Variants in SAMD12 observed in about 807,000 individuals in gnomAD.
The protein encoded by SAMD12 is sterile alpha motif domain-containing protein 12.
Under a neutral mutation model 15.0 loss-of-function variants are expected in SAMD12, and 9 were observed. The ratio of observed to expected loss-of-function variants is 0.60; its 90% CI spans 0.36 to 1.05. The LOEUF (loss-of-function observed/expected upper bound fraction) is 1.05. Ranked by LOEUF, SAMD12 falls within the 50% of genes least tolerant of loss-of-function variation. The pLI is 0.01. For missense variants in SAMD12, 230 were observed against 234.2 expected (o/e 0.98, Z 0.12); for synonymous variants, 86 against 90.1 (o/e 0.96, Z 0.25).
chr8:118,420,750 GA>G (rs903726831), intron 3 of SAMD12, among the ~76,000 whole-genome samples: 15 of 151,188 alleles, frequency 9.9e-5, no homozygotes, highest in African/African-American at 2.2e-4. Flanking sequence ...ATGTAAAAAG[GA>G]AAAAAAAGTA....
At chr8:118,283,977 T>C (rs1478023686) in intron 4 of SAMD12, among the ~76,000 whole-genome samples, 1 of 152,190 alleles carries the variant, frequency 6.6e-6, no homozygotes, top group African/African-American at 2.4e-5. Context: ...TAGAATAAAC[T>C]GTATCACATT....
rs913458962 is a variant in SAMD12, at chr8:118,354,326, C to A, written c.433+25234G>T. ...TAGAGGAATGGTCTAGATTCTAGAA[C>A]CTTCTTCCTATTTTCAGAAAGCCTC... On this transcript the variant is annotated intron_variant, in intron 4 of 4. Transcript: ENST00000409003. Among the ~76,000 whole-genome samples, 13 of 152,260 alleles carry A rather than the reference C, an allele frequency of 8.5e-5. No individual in the cohort carries two copies. In the East Asian group the frequency reaches 2.5e-3, roughly 29 times the overall value.
At chr8:118,423,791 T>A (rs1331556370) in intron 3 of SAMD12, among the ~76,000 whole-genome samples, 1 of 152,188 alleles carries the variant, frequency 6.6e-6, no homozygotes, top group Non-Finnish European at 1.5e-5. Context: ...TGTCAAATGA[T>A]AATAATATTA....
At chr8:118,269,637 AC>A (rs1813297120) in intron 4 of SAMD12, among the ~76,000 whole-genome samples, 1 of 152,122 alleles carries the variant, frequency 6.6e-6, no homozygotes, top group Admixed American at 6.5e-5. Flanking sequence ...ATGCTCTATT[AC>A]AGCTGATCAA....
At chr8:118,526,026 C>T (rs964559127) in intron 2 of SAMD12, among the ~76,000 whole-genome samples, 24 of 152,154 alleles carry the variant, frequency 1.6e-4, no homozygotes, top group African/African-American at 5.8e-4. Flanking sequence ...GTGTCCTTCA[C>T]AAGACTGATT....
At chr8:118,461,655 A>G (rs1239205433) in intron 2 of SAMD12, among the ~76,000 whole-genome samples, 1 of 152,178 alleles carries the variant, frequency 6.6e-6, no homozygotes, top group East Asian at 1.9e-4. Flanking sequence ...TTTTTACTTA[A>G]TAAGTTTTAG....
At chr8:118,490,838 G>C (rs1436748148) in intron 2 of SAMD12, among the ~76,000 whole-genome samples, 1 of 152,070 alleles carries the variant, frequency 6.6e-6, no homozygotes, top group Non-Finnish European at 1.5e-5. Context: ...GAGTTTATCT[G>C]CACGGTTACA....
intron 2 of SAMD12, among the ~76,000 whole-genome samples, chr8:118,502,926 T>TC (rs1563897930): frequency 6.6e-6 from 1 of 151,994 alleles, no homozygotes; most frequent in South Asian, 2.1e-4. Context: ...TAAGGATTTC[T>TC]CCCCCCTTAT....
intron 4 of SAMD12, among the ~76,000 whole-genome samples, chr8:118,241,718 C>T (rs1256543310): frequency 6.6e-6 from 1 of 152,122 alleles, no homozygotes; most frequent in East Asian, 1.9e-4. Flanking sequence ...GGGATACCTG[C>T]TCACCTACTC....
intron 4 of SAMD12, among the ~76,000 whole-genome samples, chr8:118,305,885 G>C (rs529392081): frequency 6.6e-6 from 1 of 152,224 alleles, no homozygotes; most frequent in East Asian, 1.9e-4. Flanking sequence ...AGGAGGCCGA[G>C]GGACAGAAGA....
chr8:118,163,053 C>T, the SAMD12 span, among the ~76,000 whole-genome samples: 1 of 152,116 alleles, frequency 6.6e-6, no homozygotes, highest in African/African-American at 2.4e-5. Context: ...GGCACATAAC[C>T]TCCTGCCATT....
the SAMD12 span, among the ~76,000 whole-genome samples, chr8:118,146,069 G>A: frequency 6.6e-6 from 1 of 152,224 alleles, no homozygotes; most frequent in African/African-American, 2.4e-5. Context: ...TAAGGGTAAT[G>A]ACAAGGTGCC....
At chr8:118,536,457 C>A (rs929190599) in intron 2 of SAMD12, among the ~76,000 whole-genome samples, 9 of 151,446 alleles carry the variant, frequency 5.9e-5, no homozygotes, top group African/African-American at 2.2e-4. Context: ...CACACACACA[C>A]ACACACACAC....
chr8:118,173,407 T>C, the SAMD12 span, among the ~76,000 whole-genome samples: 1 of 152,038 alleles, frequency 6.6e-6, no homozygotes, highest in African/African-American at 2.4e-5. Flanking sequence ...TAGCTTAAAA[T>C]TGGTGCCCCT....
At chr8:118,614,316 T>C (rs889631946) in intron 1 of SAMD12, among the ~76,000 whole-genome samples, 25 of 152,192 alleles carry the variant, frequency 1.6e-4, no homozygotes, top group Admixed American at 1.6e-3. Flanking sequence ...GTCATTACCA[T>C]TAATATTCTC....
chr8:118,335,718 A>G (rs1331034734), intron 4 of SAMD12, among the ~76,000 whole-genome samples: 1 of 152,192 alleles, frequency 6.6e-6, no homozygotes, highest in African/African-American at 2.4e-5. Flanking sequence ...CAAGGAAGTA[A>G]TATGCACTGA....
the SAMD12 span, among the ~76,000 whole-genome samples, chr8:118,155,107 A>G: frequency 3.9e-5 from 6 of 152,066 alleles, no homozygotes; most frequent in African/African-American, 1.5e-4. Flanking sequence ...ATATATATAT[A>G]TGTGTGTGTA....
At chr8:118,494,755 CTT>C (rs986790672) in intron 2 of SAMD12, among the ~76,000 whole-genome samples, 9 of 152,084 alleles carry the variant, frequency 5.9e-5, no homozygotes, top group African/African-American at 1.9e-4. Flanking sequence ...TCTTTTAATT[CTT>C]TGTGTACTTG....
intron 2 of SAMD12, among the ~76,000 whole-genome samples, chr8:118,470,756 TATTAGAATATGTGA>T (rs1265665398): frequency 6.6e-6 from 1 of 152,196 alleles, no homozygotes; most frequent in Non-Finnish European, 1.5e-5. Context: ...TGAATGAACA[TATTAGAATATGTGA>T]ATTCACTCTT....
Sources: allele counts gnomAD v4.1 joint callset (sites outside exome capture counted in the v4.1 genomes callset), GRCh38; gene constraint gnomAD v4.1.1; transcripts MANE v1.5; gene names NCBI Gene and HGNC (gene_info 2026-07-23, HGNC 2026-07-21).